SHE: variants seen among roughly 807,000 people sequenced by gnomAD.
The protein encoded by SHE is Src homology 2 domain containing E.
In SHE, 11 loss-of-function variants were observed where a neutral mutation model predicts 49.8. The observed-to-expected ratio is 0.22, with a 90% CI of 0.14 to 0.37. The LOEUF is 0.37. Among genes scored for constraint, SHE ranks in the 10% least tolerant of loss-of-function variants. The pLI, the probability that SHE is intolerant of heterozygous loss-of-function variation, is 1.00. For missense variants in SHE, 624 were observed against 655.5 expected, an observed-to-expected ratio of 0.95 and a Z score of 0.52; for synonymous variants, 310 against 278.1, an observed-to-expected ratio of 1.11 and a Z score of -1.14.
intron 1 of SHE, among the ~76,000 whole-genome samples, chr1:154,499,982 TAGGGG>T (rs1692655203): frequency 1.3e-5 from 2 of 151,882 alleles, no homozygotes; most frequent in Non-Finnish European, 2.9e-5. Flanking sequence ...CACCAGAGGG[TAGGGG>T]ACCCTTCTCA....
chr1:154,484,581 CAATT>C (rs1692114112), intron 5 of SHE: 1 of 406,524 alleles, frequency 2.5e-6, no homozygotes, highest in African/African-American at 2.0e-5. Flanking sequence ...ACAAAGAAAA[CAATT>C]AAAAAGAATG....
rs1557806493 is a variant in SHE, at chr1:154,502,009, G to A, written c.18C>T (p.Thr6=). Residue 6 remains threonine (T), a synonymous_variant, in exon 1 of 6, where the codon ACC becomes ACT. Transcript: ENST00000304760. MQWSP[T]PGASACLGWA... Reference sequence around the variant, plus strand: ...AGCCCAGACACGCAGAGGCGCCAGGGGTCGGGGACCACTGCATTCCCCGTG... The same window carrying A: ...AGCCCAGACACGCAGAGGCGCCAGGAGTCGGGGACCACTGCATTCCCCGTG... 5 of 1,384,408 alleles carry A rather than the reference G, an allele frequency of 3.6e-6. No homozygotes were observed. Among genetic ancestry groups the A allele is most frequent in the Non-Finnish European group, 4.6e-6 (5 of 1,077,710 alleles). The allele number at this position is 1,384,408 out of a possible 1,614,324, so 85.8% of individuals were successfully genotyped here.
At chr1:154,491,128 A>T (rs930680857) in intron 2 of SHE, among the ~76,000 whole-genome samples, 1 of 152,144 alleles carries the variant, frequency 6.6e-6, no homozygotes, top group Non-Finnish European at 1.5e-5. Flanking sequence ...TGGCTCTTCT[A>T]AACGCCCATC....
chr1:154,478,640 G>A (rs1023013702), downstream of SHE, among the ~76,000 whole-genome samples: 2 of 152,090 alleles, frequency 1.3e-5, no homozygotes, highest in African/African-American at 4.8e-5. Flanking sequence ...CACCTGGTGC[G>A]GAAAAAGAGT....
chr1:154,491,240 C>T (rs974072358), intron 2 of SHE, among the ~76,000 whole-genome samples: 2 of 152,214 alleles, frequency 1.3e-5, no homozygotes, highest in African/African-American at 2.4e-5. Flanking sequence ...CGACTGTTTA[C>T]TTAAGAAGTG....
Position 154,482,290 on chromosome 1 carries a change from G to T in SHE, c.*1859C>A. The T allele has an allele frequency of 1.0e-6, 1 of 982,842 alleles. No individual in the cohort carries two copies. The highest frequency in any genetic ancestry group is 1.2e-6 in the Non-Finnish European group (1 of 827,770). 60.9% of individuals were successfully genotyped at this position (982,842 alleles called of 1,614,324 possible). A position where few individuals can be genotyped will look rare whatever the true frequency, so the allele number is the denominator to read the frequency against. ...CAGCCTCCCAAATTGTTGGGATTAC[G>T]TGCATGAGCCACCGCACCCAGCCTA... is the stretch of plus-strand genomic sequence containing the variant. On this transcript the variant is annotated 3_prime_UTR_variant, in exon 6 of 6. Transcript: ENST00000304760.
At chr1:154,474,794 G>A (rs992678075), downstream of SHE, among the ~76,000 whole-genome samples, 10 of 152,086 alleles carry the variant, frequency 6.6e-5, no homozygotes, top group Admixed American at 2.6e-4. Context: ...GAGCCACCAC[G>A]CCCAGCCAAA....
intron 1 of SHE, among the ~76,000 whole-genome samples, chr1:154,470,868 G>C (rs1471510230): frequency 6.6e-6 from 1 of 151,552 alleles, no homozygotes; most frequent in Admixed American, 6.6e-5. Context: ...AAATTTGCCT[G>C]GCATGGTGGC....
At chr1:154,486,101 T>C (rs1250737046) in intron 4 of SHE, 39 bp from the exon 5 acceptor site, 3 of 1,598,880 alleles carry the variant, frequency 1.9e-6, no homozygotes, top group East Asian at 2.3e-5. Context: ...GCACCATGAG[T>C]GTCAAAATAC....
Position 154,484,246 on chromosome 1 carries a change from A to T in SHE, c.1391T>A (p.Ile464Asn). The change falls in exon 6 of 6, where the codon ATC becomes AAC. Residue 464 changes from isoleucine (I) to asparagine (N), a missense_variant. This residue lies in a region of SHE where 125 missense variants were observed against 181.7 expected (regional missense o/e 0.69). Coordinates refer to ENST00000304760, the MANE Select transcript of SHE (RefSeq NM_001010846.3). The stretch of plus-strand genomic sequence containing the variant: ...GGAATAATAGTGTACCACTTCAGGG[A>T]TGCTGTCAAACACAGCGCTTGTCTG... ...LNQTSAVFDSIPEVVHYYSNE... is the reference protein window; with the variant it reads ...LNQTSAVFDSNPEVVHYYSNE... 6.2e-7 allele frequency: 1 copy of T among 1,614,210 alleles called. No individual in the cohort carries two copies. The highest frequency in any genetic ancestry group is 8.5e-7 in the Non-Finnish European group (1 of 1,180,032).
downstream of SHE, among the ~76,000 whole-genome samples, chr1:154,477,570 A>G (rs986097366): frequency 3.3e-5 from 5 of 152,108 alleles, no homozygotes; most frequent in African/African-American, 1.2e-4. Context: ...TTGTGCACCC[A>G]ATCTCCAGGA....
chr1:154,480,701 CAG>C lies in SHE; in HGVS notation c.*3446_*3447del, dbSNP rs1380639114. The C allele has an allele frequency of 1.5e-5, 15 of 985,454 alleles. No homozygotes were observed. The East Asian group carries it at 7.9e-4, about 52-fold the overall frequency. 61.0% of individuals were successfully genotyped at this position (985,454 alleles called of 1,614,324 possible). ...CTTAAAATGACACTTCTGCCCCCAA[CAG>C]AGAGTAGATATATCAATATTTACCT... is the stretch of plus-strand genomic sequence containing the variant. On this transcript the variant is annotated 3_prime_UTR_variant, in exon 6 of 6. Coordinates refer to ENST00000304760, the MANE Select transcript of SHE (RefSeq NM_001010846.3).
At position 154,480,878 on chromosome 1, in the gene SHE, A is replaced by G; in HGVS notation, c.*3271T>C. 1.0e-6 allele frequency: 1 copy of G among 985,448 alleles called. No homozygotes were observed. Among genetic ancestry groups the G allele is most frequent in the Non-Finnish European group, 1.2e-6 (1 of 829,944 alleles). 61.0% of individuals were successfully genotyped at this position (985,448 alleles called of 1,614,324 possible). A position where few individuals can be genotyped will look rare whatever the true frequency, so the allele number is the denominator to read the frequency against. ...TCTCTCTTCTTATAGGCCTGAAACT[A>G]ACCAACTGAACTTGTCCAGTCATCG... On this transcript the variant is annotated 3_prime_UTR_variant, in exon 6 of 6. Transcript: ENST00000304760.
chr1:154,478,041 C>G (rs1355921902), downstream of SHE, among the ~76,000 whole-genome samples: 1 of 152,086 alleles, frequency 6.6e-6, no homozygotes, highest in Admixed American at 6.6e-5. Flanking sequence ...TGGAATCATA[C>G]AGTATTTGTC....
At chr1:154,472,416 T>C (rs1341368088) in intron 1 of SHE, among the ~76,000 whole-genome samples, 2 of 152,212 alleles carry the variant, frequency 1.3e-5, no homozygotes, top group Admixed American at 6.5e-5. Flanking sequence ...TCCAGTTCAA[T>C]AGGTCTGAGC....
chr1:154,472,257 G>C (rs1372514813), intron 1 of SHE, among the ~76,000 whole-genome samples: 1 of 152,224 alleles, frequency 6.6e-6, no homozygotes, highest in African/African-American at 2.4e-5. Context: ...ACCAGAGATA[G>C]ATGAAGAGAG....
At chr1:154,476,569 T>C (rs1414786300), downstream of SHE, among the ~76,000 whole-genome samples, 1 of 151,632 alleles carries the variant, frequency 6.6e-6, no homozygotes, top group Non-Finnish European at 1.5e-5. Context: ...GAAGCAGAGG[T>C]TGCAGTGAGC....
Position 154,494,374 on chromosome 1 carries a change from G to GTTTTT in SHE, c.718+4733_718+4737dup, listed in dbSNP as rs779645667. Among the ~76,000 whole-genome samples, 153 of 118,740 alleles carry GTTTTT rather than the reference G, an allele frequency of 1.3e-3. 4 individuals are homozygous for GTTTTT. The highest frequency in any genetic ancestry group is 4.2e-3 in the African/African-American group (136 of 32,174). 77.9% of individuals were successfully genotyped at this position (118,740 alleles called of 152,430 possible). On this transcript the variant is annotated intron_variant, in intron 2 of 5. Coordinates refer to ENST00000304760, the MANE Select transcript of SHE (RefSeq NM_001010846.3). ...ATCACAGGCAAAGACAGACATAACA[G>GTTTTT]TTTTTTTTTTTTTTTTTTTTTTAGA...
chr1:154,480,497 AT>A lies in SHE; in HGVS notation c.*3651del. ...CAGAGTTACATAATCCAATTAACAA[AT>A]TAGGACAATTTCCCACCACCTGCCT... On this transcript the variant is annotated 3_prime_UTR_variant, in exon 6 of 6. Transcript: ENST00000304760. 1.0e-6 allele frequency: 1 copy of A among 985,486 alleles called. No homozygotes were observed. The highest frequency in any genetic ancestry group is 1.2e-6 in the Non-Finnish European group (1 of 829,938). The allele number at this position is 985,486 out of a possible 1,614,324, so 61.0% of individuals were successfully genotyped here.
Sources: allele counts gnomAD v4.1 joint callset (sites outside exome capture counted in the v4.1 genomes callset), GRCh38; gene constraint gnomAD v4.1.1; regional missense constraint gnomAD v4.1.1; transcripts MANE v1.5; gene names NCBI Gene and HGNC (gene_info 2026-07-23, HGNC 2026-07-21).